Variants in TBC1D19 observed in about 807,000 individuals in gnomAD.
TBC1D19 encodes the protein TBC1 domain family member 19.
Under a neutral mutation model 89.0 loss-of-function variants are expected in TBC1D19, and 60 were observed. That is an observed-to-expected ratio of 0.67 (90% CI 0.55 to 0.84). The LOEUF (loss-of-function observed/expected upper bound fraction) is 0.84, where lower values mean the gene tolerates loss of function less well. Ranked by LOEUF, TBC1D19 falls within the 40% of genes least tolerant of loss-of-function variation. TBC1D19 has a pLI of 0.00. For synonymous variants in TBC1D19, 189 were observed against 199.7 expected (o/e 0.95, Z 0.45); for missense variants, 500 against 610.8 (o/e 0.82, Z 1.91).
intron 13 of TBC1D19, among the ~76,000 whole-genome samples, chr4:26,710,494 G>T (rs556943965): frequency 2.6e-5 from 4 of 152,068 alleles, no homozygotes; most frequent in South Asian, 2.1e-4. Context: ...ATAAACATAC[G>T]TGTGCATGTG....
chr4:26,774,912 G>A, the TBC1D19 span, among the ~76,000 whole-genome samples: 1 of 152,172 alleles, frequency 6.6e-6, no homozygotes, highest in African/African-American at 2.4e-5. Context: ...CATTACATAT[G>A]AGCAGCAGGC....
chr4:26,613,199 G>C lies in TBC1D19; in HGVS notation c.130G>C (p.Glu44Gln). The C allele has an allele frequency of 6.3e-7, 1 of 1,577,984 alleles. No individual in the cohort carries two copies. Among genetic ancestry groups the C allele is most frequent in the Non-Finnish European group, 8.6e-7 (1 of 1,159,428 alleles). Residue 44 changes from glutamate (E) to glutamine (Q), a missense_variant, in exon 2 of 21, where the codon GAA becomes CAA. Coordinates refer to ENST00000264866, the MANE Select transcript of TBC1D19 (RefSeq NM_018317.4). Reference protein sequence around the residue: ...ASLQRPEIKLESLKEDIKEFF... With the variant: ...ASLQRPEIKLQSLKEDIKEFF... ...TCTTCAGAGACCTGAGATTAAACTT[G>C]AATCACTGAAAGAAGATATTAAGGA...
rs756753369 is a variant in TBC1D19, at chr4:26,753,948, G to A, written c.1506+58G>A. 7 of 1,589,512 alleles carry A rather than the reference G, an allele frequency of 4.4e-6. No homozygotes were observed. In the South Asian group the frequency reaches 7.8e-5, roughly 18 times the overall value. On this transcript the variant is annotated intron_variant, in intron 20 of 20. Coordinates refer to ENST00000264866, the MANE Select transcript of TBC1D19 (RefSeq NM_018317.4). ...ATAGTTTCTGAGAGATTGCCAGGCT[G>A]TCATTTTAGTGTCTGTTGCATAGGA... is the stretch of plus-strand genomic sequence containing the variant.
intron 7 of TBC1D19, among the ~76,000 whole-genome samples, chr4:26,642,070 T>C (rs1743582352): frequency 6.6e-6 from 1 of 151,970 alleles, no homozygotes; most frequent in Non-Finnish European, 1.5e-5. Flanking sequence ...ATTCAGGAAA[T>C]ACAGAAAACA....
the TBC1D19 span, among the ~76,000 whole-genome samples, chr4:26,792,704 C>T: frequency 6.6e-6 from 1 of 152,202 alleles, no homozygotes; most frequent in Non-Finnish European, 1.5e-5. Flanking sequence ...GTACTCTATT[C>T]TCTCCAAGTC....
the TBC1D19 span, among the ~76,000 whole-genome samples, chr4:26,798,912 A>C: frequency 6.6e-6 from 1 of 152,228 alleles, no homozygotes; most frequent in Non-Finnish European, 1.5e-5. Flanking sequence ...GGGTTGAAAA[A>C]AAACTTATCT....
intron 12 of TBC1D19, among the ~76,000 whole-genome samples, chr4:26,686,714 A>G (rs933695088): frequency 1.3e-5 from 2 of 152,128 alleles, no homozygotes; most frequent in African/African-American, 4.8e-5. Flanking sequence ...TTGAGAATGC[A>G]TGATCTCTAC....
At chr4:26,794,009 T>G in the TBC1D19 span, among the ~76,000 whole-genome samples, 5 of 152,142 alleles carry the variant, frequency 3.3e-5, no homozygotes, top group African/African-American at 9.7e-5. Flanking sequence ...TAGTCTTGAG[T>G]TACAGGCCTG....
intron 13 of TBC1D19, among the ~76,000 whole-genome samples, chr4:26,700,130 C>T (rs1364367770): frequency 2.6e-5 from 4 of 151,708 alleles, no homozygotes; most frequent in Non-Finnish European, 4.4e-5. Flanking sequence ...ACATGCTCAC[C>T]AACAAATTTA....
the TBC1D19 span, among the ~76,000 whole-genome samples, chr4:26,841,567 C>T: frequency 6.6e-6 from 1 of 152,120 alleles, no homozygotes; most frequent in Non-Finnish European, 1.5e-5. Flanking sequence ...CAGCCCCTCA[C>T]TGAGGTGTGG....
intron 7 of TBC1D19, among the ~76,000 whole-genome samples, chr4:26,646,086 G>T (rs1743919559): frequency 7.2e-6 from 1 of 138,814 alleles, no homozygotes; most frequent in African/African-American, 2.8e-5. Context: ...TCCCGCCACT[G>T]CACTCCAGCC....
At chr4:26,698,103 T>G (rs1174056778) in intron 13 of TBC1D19, among the ~76,000 whole-genome samples, 1 of 151,980 alleles carries the variant, frequency 6.6e-6, no homozygotes, top group Non-Finnish European at 1.5e-5. Flanking sequence ...GATTGTATAT[T>G]TAGAAAACCC....
intron 4 of TBC1D19, among the ~76,000 whole-genome samples, chr4:26,627,146 T>C (rs1742469927): frequency 6.6e-6 from 1 of 151,864 alleles, no homozygotes; most frequent in African/African-American, 2.4e-5. Context: ...GGTGTTTGGT[T>C]TTTTGTCCTT....
the TBC1D19 span, among the ~76,000 whole-genome samples, chr4:26,826,340 T>C: frequency 6.6e-6 from 1 of 152,224 alleles, no homozygotes; most frequent in African/African-American, 2.4e-5. Flanking sequence ...GCCCAGCTGC[T>C]GGATACATAT....
At chr4:26,698,585 A>C (rs1715020698) in intron 13 of TBC1D19, among the ~76,000 whole-genome samples, 1 of 152,182 alleles carries the variant, frequency 6.6e-6, no homozygotes, top group Non-Finnish European at 1.5e-5. Context: ...ACAAAGCTGG[A>C]GGCATCACAC....
chr4:26,676,406 A>T (rs758300755), intron 11 of TBC1D19, among the ~76,000 whole-genome samples: 1 of 152,172 alleles, frequency 6.6e-6, no homozygotes, highest in Non-Finnish European at 1.5e-5. Flanking sequence ...CCTTTCCTCA[A>T]CTACTTTTAC....
At chr4:26,822,457 T>C in the TBC1D19 span, among the ~76,000 whole-genome samples, 1 of 152,244 alleles carries the variant, frequency 6.6e-6, no homozygotes, top group Non-Finnish European at 1.5e-5. Flanking sequence ...TCCTGCTTTC[T>C]TCCCAGTGTG....
chr4:26,820,569 C>A, the TBC1D19 span, among the ~76,000 whole-genome samples: 1,826 of 152,296 alleles, frequency 0.012, 44 homozygotes, highest in African/African-American at 0.042. Context: ...TACATAAATA[C>A]CACATTTTAA....
intron 1 of TBC1D19, among the ~76,000 whole-genome samples, chr4:26,594,907 T>C (rs189168728): frequency 1.1e-3 from 163 of 152,334 alleles, no homozygotes; most frequent in Non-Finnish European, 1.9e-3. Context: ...TAAACCTTCA[T>C]GTGTAGGTTT....
Sources: gnomAD v4.1 joint callset for allele counts (sites outside exome capture counted in the v4.1 genomes callset) on GRCh38, gnomAD v4.1.1 for gene constraint, MANE v1.5 for transcripts, NCBI Gene and HGNC (gene_info 2026-07-23, HGNC 2026-07-21) for gene names.